The following RBFOX1 variants were observed in gnomAD, a reference collection of about 807,000 sequenced individuals.
RBFOX1 encodes RNA binding protein fox-1 homolog 1.
RBFOX1 carries 8 observed loss-of-function variants against 57.7 expected under a neutral mutation model. That is an observed-to-expected ratio of 0.14 (90% CI 0.08 to 0.25). RBFOX1 has a LOEUF of 0.25. Among genes scored for constraint, RBFOX1 ranks in the 10% least tolerant of loss-of-function variants. The probability of loss-of-function intolerance (pLI) is 1.00; values close to 1 mark genes in which losing one functional copy is unlikely to be tolerated. For missense variants in RBFOX1, 611 were observed against 548.5 expected (o/e 1.11, Z -1.14); for synonymous variants, 326 against 222.4 (o/e 1.47, Z -4.15).
intron 3 of RBFOX1, among the ~76,000 whole-genome samples, chr16:5,684,035 A>T (rs2050427608): frequency 6.6e-6 from 1 of 152,014 alleles, no homozygotes; most frequent in Non-Finnish European, 1.5e-5. Context: ...ATTAGCTTTT[A>T]AAAAGATGTA....
chr16:7,080,904 G>T lies in RBFOX1; in HGVS notation c.27+28806G>T, dbSNP rs544310377. Among the ~76,000 whole-genome samples, 3 of 152,294 alleles carry T rather than the reference G, an allele frequency of 2.0e-5. No homozygotes were observed. The South Asian group carries it at 6.2e-4, about 32-fold the overall frequency. On this transcript the variant is annotated intron_variant, in intron 4 of 15. Coordinates refer to ENST00000550418, the MANE Select transcript of RBFOX1 (RefSeq NM_018723.4). Reference sequence around the variant, plus strand: ...ATAAGTCATTCCCTCCTTGACGTTCGTTAGCAGTTTCTCATTGCTTGTGGA... The same window carrying T: ...ATAAGTCATTCCCTCCTTGACGTTCTTTAGCAGTTTCTCATTGCTTGTGGA...
intron 2 of RBFOX1, among the ~76,000 whole-genome samples, chr16:5,512,706 C>G (rs1054268032): frequency 6.6e-6 from 1 of 152,142 alleles, no homozygotes; most frequent in Non-Finnish European, 1.5e-5. Flanking sequence ...CTCAGCTTTA[C>G]CTATTGTTAA....
At chr16:5,310,738 C>T (rs1369199483) in intron 1 of RBFOX1, among the ~76,000 whole-genome samples, 1 of 152,196 alleles carries the variant, frequency 6.6e-6, no homozygotes, top group Admixed American at 6.5e-5. Context: ...GTTGTGCTGT[C>T]ATCCATCTTT....
At chr16:6,938,734 C>T (rs934275920) in intron 3 of RBFOX1, among the ~76,000 whole-genome samples, 19 of 152,058 alleles carry the variant, frequency 1.2e-4, no homozygotes, top group African/African-American at 4.6e-4. Context: ...AAGTTTGAAA[C>T]CAGTTTGGCT....
intron 2 of RBFOX1, among the ~76,000 whole-genome samples, chr16:6,384,314 G>A (rs1031248201): frequency 1.3e-5 from 2 of 152,058 alleles, no homozygotes; most frequent in African/African-American, 4.8e-5. Context: ...TCTTATTTGT[G>A]GAGGAAGATA....
At chr16:7,474,057 G>A (rs2062108973) in intron 4 of RBFOX1, among the ~76,000 whole-genome samples, 1 of 152,178 alleles carries the variant, frequency 6.6e-6, no homozygotes, top group African/African-American at 2.4e-5. Context: ...GGGAGGCTGA[G>A]GAGGGCGGAT....
chr16:6,286,218 C>T (rs1246168366), intron 1 of RBFOX1, among the ~76,000 whole-genome samples: 1 of 152,162 alleles, frequency 6.6e-6, no homozygotes, highest in African/African-American at 2.4e-5. Flanking sequence ...CCCCCCATCC[C>T]TGGTTTCTTC....
chr16:7,535,428 A>G (rs752695730), intron 5 of RBFOX1, among the ~76,000 whole-genome samples: 5 of 152,222 alleles, frequency 3.3e-5, no homozygotes, highest in Non-Finnish European at 5.9e-5. Flanking sequence ...ATTGCGACTC[A>G]GAGATGCAAA....
At chr16:6,582,306 A>T (rs1376719181) in intron 2 of RBFOX1, among the ~76,000 whole-genome samples, 3 of 152,186 alleles carry the variant, frequency 2.0e-5, no homozygotes, top group Non-Finnish European at 4.4e-5. Context: ...GAAAATTCTG[A>T]TGAGAAAAAT....
chr16:6,141,944 A>C (rs1383699576), intron 1 of RBFOX1, among the ~76,000 whole-genome samples: 2 of 151,758 alleles, frequency 1.3e-5, no homozygotes, highest in African/African-American at 4.8e-5. Flanking sequence ...CTGTAGTCCC[A>C]GCTGCTCGGG....
At chr16:7,106,881 C>T (rs2063681871) in intron 4 of RBFOX1, among the ~76,000 whole-genome samples, 1 of 152,062 alleles carries the variant, frequency 6.6e-6, no homozygotes, top group Admixed American at 6.6e-5. Context: ...AAGTATTTAT[C>T]ATGCACCAGA....
intron 2 of RBFOX1, among the ~76,000 whole-genome samples, chr16:5,494,789 G>A (rs1435227889): frequency 1.3e-5 from 2 of 152,136 alleles, no homozygotes; most frequent in African/African-American, 4.8e-5. Flanking sequence ...GGGCATCTGG[G>A]GTGGATCAAC....
At chr16:6,594,797 G>C (rs1004297158) in intron 2 of RBFOX1, among the ~76,000 whole-genome samples, 17 of 151,946 alleles carry the variant, frequency 1.1e-4, no homozygotes, top group African/African-American at 4.1e-4. Flanking sequence ...TTTTTTGTTG[G>C]TTTGTTTTTG....
intron 1 of RBFOX1, among the ~76,000 whole-genome samples, chr16:6,026,382 G>C (rs8049953): frequency 0.065 from 9,961 of 152,282 alleles, 1,013 homozygotes; most frequent in African/African-American, 0.22. Context: ...TTTGCAGATA[G>C]AGAGTGGGGT....
rs1277558329 is a variant in RBFOX1 at position 6,780,328 on chromosome 16, T to C, written c.-16+125678T>C. Among the ~76,000 whole-genome samples the C allele has an allele frequency of 3.7e-4, 33 of 89,450 alleles. 3 individuals are homozygous for C. Among genetic ancestry groups the C allele is most frequent in the African/African-American group, 1.5e-3 (27 of 18,588 alleles). 58.7% of individuals were successfully genotyped at this position (89,450 alleles called of 152,430 possible). A position where few individuals can be genotyped will look rare whatever the true frequency, so the allele number is the denominator to read the frequency against. On this transcript the variant is annotated intron_variant, in intron 3 of 15. Transcript: ENST00000550418. ...ATATATATATTTATTCATATTTATA[T>C]ATATTTATACATATTTATATACATA...
intron 2 of RBFOX1, among the ~76,000 whole-genome samples, chr16:5,493,437 G>C (rs1325251920): frequency 6.6e-6 from 1 of 152,124 alleles, no homozygotes; most frequent in Non-Finnish European, 1.5e-5. Context: ...GCCTACCTGA[G>C]ATCTAAGGTG....
intron 4 of RBFOX1, among the ~76,000 whole-genome samples, chr16:7,278,976 T>C (rs181782542): frequency 2.6e-4 from 39 of 152,228 alleles, no homozygotes; most frequent in African/African-American, 9.1e-4. Flanking sequence ...TCTTAAAAAA[T>C]ATTTGATTAT....
At chr16:5,362,748 G>C (rs748364686) in intron 1 of RBFOX1, among the ~76,000 whole-genome samples, 8 of 151,940 alleles carry the variant, frequency 5.3e-5, no homozygotes, top group Non-Finnish European at 1.2e-4. Flanking sequence ...CTCTGTTTCT[G>C]TGTGTTTGAC....
chr16:5,569,595 A>G (rs1269520558), intron 2 of RBFOX1, among the ~76,000 whole-genome samples: 3 of 151,922 alleles, frequency 2.0e-5, no homozygotes, highest in African/African-American at 7.2e-5. Context: ...CAGATGAGGA[A>G]GCTGAGATTT....
Sources: allele counts gnomAD v4.1 joint callset (sites outside exome capture counted in the v4.1 genomes callset), GRCh38; gene constraint gnomAD v4.1.1; transcripts MANE v1.5; gene names NCBI Gene and HGNC (gene_info 2026-07-23, HGNC 2026-07-21).